XPNPEP2: variants seen among roughly 807,000 people sequenced by gnomAD.
The protein encoded by XPNPEP2 is X-prolyl aminopeptidase 2, also known as xaa-Pro aminopeptidase 2.
A neutral mutation model predicts 59.8 loss-of-function variants in XPNPEP2; 64 were observed. That is an observed-to-expected ratio of 1.07 (90% CI 0.87 to 1.32). XPNPEP2 has a LOEUF of 1.32. Among genes scored for constraint, XPNPEP2 ranks in the 40% most tolerant of loss-of-function variants. XPNPEP2 has a pLI of 0.00. For synonymous variants in XPNPEP2, 235 were observed against 210.0 expected (o/e 1.12, Z -1.03); for missense variants, 575 against 546.8 (o/e 1.05, Z -0.51).
chrX:129,754,642 GA>G, intron 12 of XPNPEP2, 61 bp downstream of exon 12: 4 of 1,036,487 alleles, frequency 3.9e-6, no homozygotes, highest in Non-Finnish European at 5.3e-6. Flanking sequence ...TGGGGGCAGG[GA>G]GGGGGAATTT....
At chrX:129,760,663 G>C in intron 16 of XPNPEP2, 82 bp downstream of exon 16, 1 of 1,023,020 alleles carries the variant, frequency 9.8e-7, no homozygotes, top group Non-Finnish European at 1.4e-6. Context: ...AGGCTGGTGG[G>C]GCAAGGATTT....
rs749565606 is a variant in XPNPEP2, at chrX:129,745,215, G to T, written c.247G>T (p.Gly83Cys). Residue 83 changes from glycine (G) to cysteine (C), a missense_variant, in exon 4 of 21, where the codon GGC becomes TGC. Transcript: ENST00000371106. Reference sequence around the variant, plus strand: ...GTTGATTTCCTAGAACGAGTACATCGGCCAACATGACGAGAGGCGTGCGTG... The same window carrying T: ...GTTGATTTCCTAGAACGAGTACATCTGCCAACATGACGAGAGGCGTGCGTG... ...GTDAHMNEYI[G>C]QHDERRAWIT... 1.7e-6 allele frequency: 2 copies of T among 1,209,360 alleles called. No individual in the cohort carries two copies. Among genetic ancestry groups the T allele is most frequent in the African/African-American group, 3.5e-5 (2 of 56,904 alleles).
In XPNPEP2 at chrX:129,743,284, T is replaced by C. The variant is rs373203701; in HGVS notation, c.124-677T>C. 2.1e-4 allele frequency among the ~76,000 whole-genome samples: 24 copies of C among 111,890 alleles called. No homozygotes were observed. In the South Asian group the frequency reaches 8.9e-3, roughly 41 times the overall value. On this transcript the variant is annotated intron_variant, in intron 2 of 20. Coordinates refer to ENST00000371106, the MANE Select transcript of XPNPEP2 (RefSeq NM_003399.6). ...AAAGCTAAAATGACCTGTAAAGAAA[T>C]AGAGAACTGGTCTGGAAAGGGTCTT... is the stretch of plus-strand genomic sequence containing the variant.
At chrX:129,765,635 C>CTTTTTTTTTTTTTTTTTTT (rs56014067) in intron 19 of XPNPEP2, among the ~76,000 whole-genome samples, 8 of 67,339 alleles carry the variant, frequency 1.2e-4, no homozygotes, top group African/African-American at 1.2e-4. Context: ...TTCTTTCTTT[C>CTTTTTTTTTTTTTTTTTTT]TTTTTTTTTT....
Position 129,740,057 on chromosome X carries a change from G to A in XPNPEP2, c.49+795G>A, listed in dbSNP as rs577778526. Among the ~76,000 whole-genome samples the A allele has an allele frequency of 9.8e-5, 11 of 112,782 alleles. No individual in the cohort carries two copies. In the Admixed American group the frequency reaches 1.0e-3, roughly 10 times the overall value. On this transcript the variant is annotated intron_variant, in intron 1 of 20. Transcript: ENST00000371106. ...CCAGGGACCACAGAGTCATTCAGCTGCAGAGCCTGCTCTTGGGAGCCACAG... is the reference window on the plus strand; with the variant it reads ...CCAGGGACCACAGAGTCATTCAGCTACAGAGCCTGCTCTTGGGAGCCACAG...
chrX:129,750,649 C>A, intron 8 of XPNPEP2, 80 bp downstream of exon 8: 1 of 817,980 alleles, frequency 1.2e-6, no homozygotes, highest in Non-Finnish European at 1.7e-6. Context: ...CAGCACAGAG[C>A]TAGCTCTTCC....
chrX:129,742,237 C>T (rs1417443501), intron 2 of XPNPEP2, 56 bp downstream of exon 2: 2 of 686,779 alleles, frequency 2.9e-6, no homozygotes, highest in Non-Finnish European at 4.2e-6. Flanking sequence ...ACCCCCCCAC[C>T]CCTGCCCCAC....
In XPNPEP2 at chrX:129,750,508, G is replaced by C; in HGVS notation, c.678G>C (p.Gln226His). 8.3e-7 allele frequency: 1 copy of C among 1,198,286 alleles called. No individual in the cohort carries two copies. Among genetic ancestry groups the C allele is most frequent in the Non-Finnish European group, 1.1e-6 (1 of 888,913 alleles). The change falls in exon 8 of 21, where the codon CAG (glutamine) becomes CAC (histidine). Residue 226 changes from glutamine to histidine, a missense_variant. Physicochemically the swap from Gln to His is conservative, Grantham distance 24. Coordinates refer to ENST00000371106, the MANE Select transcript of XPNPEP2 (RefSeq NM_003399.6). ...WQEKVSGVRS[Q>H]MQKHQKVPTA... Reference sequence around the variant, plus strand: ...AGAAAGTATCTGGCGTCCGAAGCCAGATGCAGAAGCATCAAAAGGTCCCGA... The same window carrying C: ...AGAAAGTATCTGGCGTCCGAAGCCACATGCAGAAGCATCAAAAGGTCCCGA...
intron 19 of XPNPEP2, among the ~76,000 whole-genome samples, chrX:129,765,951 G>A (rs1242498079): frequency 8.9e-6 from 1 of 111,864 alleles, no homozygotes; most frequent in Non-Finnish European, 1.9e-5. Context: ...ATTTCTTTAA[G>A]GATGAACTTG....
At chrX:129,765,724 G>A (rs754034555) in intron 19 of XPNPEP2, among the ~76,000 whole-genome samples, 4 of 94,361 alleles carry the variant, frequency 4.2e-5, no homozygotes, top group South Asian at 1.2e-3. Context: ...TGCAACCTCC[G>A]CCTCCCAGGT....
intron 7 of XPNPEP2, among the ~76,000 whole-genome samples, chrX:129,748,340 A>G (rs1185352102): frequency 1.8e-5 from 2 of 112,306 alleles, no homozygotes; most frequent in Non-Finnish European, 3.8e-5. Context: ...CGTTGACACT[A>G]TCTAAATCCA....
At chrX:129,750,357 G>A (rs998091039) in intron 7 of XPNPEP2, 111 bp from the exon 8 acceptor site, 3 of 554,550 alleles carry the variant, frequency 5.4e-6, no homozygotes, top group Non-Finnish European at 8.6e-6. Context: ...AAAGGGTTTC[G>A]CTGCTTTTTA....
In XPNPEP2 at chrX:129,768,273, C is replaced by G; in HGVS notation, c.1831-18C>G. ...CAGCTTGGCTTAGAGAGGCTGTCAC[C>G]CCTTCTATCCTTCGCAGCTCCAGTA... On this transcript the variant is annotated intron_variant, in intron 20 of 20. Coordinates refer to ENST00000371106, the MANE Select transcript of XPNPEP2 (RefSeq NM_003399.6). The G allele has an allele frequency of 8.8e-7, 1 of 1,138,206 alleles. No individual in the cohort carries two copies. Among genetic ancestry groups the G allele is most frequent in the Non-Finnish European group, 1.2e-6 (1 of 859,433 alleles). The allele number at this position is 1,138,206 out of a possible 1,213,427, so 93.8% of individuals were successfully genotyped here.
At chrX:129,747,458 G>GT in intron 6 of XPNPEP2, 149 bp from the exon 7 acceptor site, 1 of 744,242 alleles carries the variant, frequency 1.3e-6, no homozygotes, top group South Asian at 2.6e-5. Context: ...CATGCCGGGG[G>GT]TGGGGGGTGG....
intron 19 of XPNPEP2, among the ~76,000 whole-genome samples, chrX:129,766,512 CT>C (rs1199540070): frequency 2.3e-3 from 236 of 102,656 alleles, no homozygotes; most frequent in Admixed American, 2.3e-3. Context: ...CACCTGGCCT[CT>C]TTTTTTTTTT....
chrX:129,760,014 C>T (rs1926626366), intron 15 of XPNPEP2, among the ~76,000 whole-genome samples: 1 of 112,379 alleles, frequency 8.9e-6, no homozygotes, highest in Admixed American at 9.4e-5. Context: ...GTCACAACCA[C>T]AGGAATGAGT....
rs891353857 is a variant in XPNPEP2, at chrX:129,739,206, G to C, written c.-8G>C. ...TCCATCCACCCAGCGCCGGCATCTGGAGACCCTATGGCCCGGGCTCACTGG... is the reference window on the plus strand; with the variant it reads ...TCCATCCACCCAGCGCCGGCATCTGCAGACCCTATGGCCCGGGCTCACTGG... On this transcript the variant is annotated 5_prime_UTR_variant, in exon 1 of 21. Coordinates refer to ENST00000371106, the MANE Select transcript of XPNPEP2 (RefSeq NM_003399.6). 1 of 1,208,846 alleles carries C rather than the reference G, an allele frequency of 8.3e-7. No homozygotes were observed. The highest frequency in any genetic ancestry group is 1.1e-6 in the Non-Finnish European group (1 of 895,191).
Position 129,762,006 on chromosome X carries a change from G to A in XPNPEP2, c.1604G>A (p.Trp535Ter), listed in dbSNP as rs926471013. 8.3e-7 allele frequency: 1 copy of A among 1,211,455 alleles called. No homozygotes were observed. Among genetic ancestry groups the A allele is most frequent in the Non-Finnish European group, 1.1e-6 (1 of 895,238 alleles). ...ACCATGTTTATGTCTTCCTTTCTAGGGCCAGTGGGATTCCAGTCCAACAAC... is the reference window on the plus strand; with the variant it reads ...ACCATGTTTATGTCTTCCTTTCTAGAGCCAGTGGGATTCCAGTCCAACAAC... Reference protein sequence around the residue: ...GIGNFLCVHEWPVGFQSNNIA... With the variant: ...GIGNFLCVHE Residue 535 changes from tryptophan to a stop codon, truncating the protein, a stop_gained and splice_region_variant, in exon 18 of 21, where the codon TGG becomes TAG. Transcript: ENST00000371106. LOFTEE classifies it high-confidence loss of function.
rs758365206 is a variant in XPNPEP2 at position 129,739,211 on chromosome X, C to T, written c.-3C>T. 6.5e-5 allele frequency: 79 copies of T among 1,207,413 alleles called. No homozygotes were observed. The highest frequency in any genetic ancestry group is 3.6e-4 in the East Asian group (12 of 33,730). ...CCACCCAGCGCCGGCATCTGGAGAC[C>T]CTATGGCCCGGGCTCACTGGGGCTG... On this transcript the variant is annotated 5_prime_UTR_variant, in exon 1 of 21. Transcript: ENST00000371106.
Sources: allele counts gnomAD v4.1 joint callset (sites outside exome capture counted in the v4.1 genomes callset), GRCh38; gene constraint gnomAD v4.1.1; transcripts MANE v1.5; gene names NCBI Gene and HGNC (gene_info 2026-07-23, HGNC 2026-07-21).